The following UCP1 variants were observed in gnomAD, a reference collection of about 807,000 sequenced individuals.
UCP1 encodes the protein mitochondrial brown fat uncoupling protein 1.
UCP1 carries 24 observed loss-of-function variants against 26.2 expected under a neutral mutation model. The observed-to-expected ratio is 0.92, with a 90% CI of 0.66 to 1.29. The LOEUF is 1.29. Among genes scored for constraint, UCP1 ranks in the 50% most tolerant of loss-of-function variants. The pLI, the probability that UCP1 is intolerant of heterozygous loss-of-function variation, is 0.00. For missense variants in UCP1, 402 were observed against 388.7 expected (o/e 1.03, Z -0.29); for synonymous variants, 164 against 156.8 (o/e 1.05, Z -0.34).
At chr4:140,563,704 T>G (rs922662881) in intron 2 of UCP1, among the ~76,000 whole-genome samples, 186 bp from the exon 3 acceptor site, 1 of 150,976 alleles carries the variant, frequency 6.6e-6, no homozygotes, top group African/African-American at 2.4e-5. Context: ...GCCTCCCGGG[T>G]TCAAGAGATT....
Position 140,562,233 on chromosome 4 carries a change from T to A in UCP1, c.769A>T (p.Lys257Ter), listed in dbSNP as rs761334073. ...GTTGGTCCTTCGTTAGTGAACACTTTCATTGCACAGTTGGGCACACTTTTG... is the reference window on the plus strand; with the variant it reads ...GTTGGTCCTTCGTTAGTGAACACTTACATTGCACAGTTGGGCACACTTTTG... ...QYKSVPNCAM[K>*]VFTNEGPTAF... The change falls in exon 5 of 6, where the codon AAA becomes TAA. Residue 257 changes from lysine (K) to a stop codon, truncating the protein, a stop_gained. Transcript: ENST00000262999. LOFTEE classifies it high-confidence loss of function. The A allele has an allele frequency of 6.8e-6, 11 of 1,614,204 alleles. No individual in the cohort carries two copies. The highest frequency in any genetic ancestry group is 9.3e-6 in the Non-Finnish European group (11 of 1,180,014).
intron 5 of UCP1, 100 bp downstream of exon 5, chr4:140,562,093 A>T: frequency 7.3e-7 from 1 of 1,371,576 alleles, no homozygotes; most frequent in South Asian, 1.2e-5. Flanking sequence ...ATATGAATAT[A>T]CTAAGGCTTG....
chr4:140,567,874 C>G lies in UCP1; in HGVS notation c.230G>C (p.Gly77Ala). ...KTEGRMKLYS[G>A]LPAGLQRQIS... Reference sequence around the variant, plus strand: ...TTGCCGCTGAAGCCCCGCAGGCAGCCCGCTGTAGAGTTTCATCCGCCCTTC... The same window carrying G: ...TTGCCGCTGAAGCCCCGCAGGCAGCGCGCTGTAGAGTTTCATCCGCCCTTC... The change falls in exon 2 of 6, where the codon GGG becomes GCG. Residue 77 changes from glycine to alanine, a missense_variant. Physicochemically the swap from Gly to Ala is moderately conservative, Grantham distance 60. Transcript: ENST00000262999. 1.2e-6 allele frequency: 2 copies of G among 1,614,160 alleles called. No homozygotes were observed. Among genetic ancestry groups the G allele is most frequent in the Non-Finnish European group, 1.7e-6 (2 of 1,180,034 alleles).
At chr4:140,560,135 C>T (rs1267693784) in intron 5 of UCP1, 125 bp from the exon 6 acceptor site, 1 of 777,652 alleles carries the variant, frequency 1.3e-6, no homozygotes, top group Non-Finnish European at 2.2e-6. Flanking sequence ...TCACTGCAAC[C>T]TCGAGCTCCT....
At chr4:140,562,071 T>C in intron 5 of UCP1, 122 bp downstream of exon 5, 1 of 1,173,014 alleles carries the variant, frequency 8.5e-7, no homozygotes, top group Non-Finnish European at 1.3e-6. Flanking sequence ...CAAGGAAAAG[T>C]CAATACTAAG....
Position 140,563,217 on chromosome 4 carries a change from G to GAAA in UCP1, c.527-9_527-7dup. The GAAA allele has an allele frequency of 8.0e-7, 1 of 1,253,344 alleles. No homozygotes were observed. The highest frequency in any genetic ancestry group is 1.1e-6 in the Non-Finnish European group (1 of 902,426). The allele number at this position is 1,253,344 out of a possible 1,614,324, so 77.6% of individuals were successfully genotyped here. A position where few individuals can be genotyped will look rare whatever the true frequency, so the allele number is the denominator to read the frequency against. On this transcript the variant is annotated splice_region_variant and splice_polypyrimidine_tract_variant and intron_variant, in intron 3 of 5. Transcript: ENST00000262999. ...CATCAGATTGGGAGTAGTCCCTGGG[G>GAAA]AAAAAAAAAAAGAAAATGTTTATTA... is the stretch of plus-strand genomic sequence containing the variant.
In UCP1 at chr4:140,562,319, G is replaced by T. The variant is rs761243709; in HGVS notation, c.683C>A (p.Ala228Asp). The change falls in exon 5 of 6, where the codon GCT (alanine) becomes GAT (aspartate). Residue 228 changes from alanine to aspartate, a missense_variant. Physicochemically the swap from Ala to Asp is moderately radical, Grantham distance 126. Transcript: ENST00000262999. Reference protein sequence around the residue: ...SALIAGFCATAMSSPVDVVKT... With the variant: ...SALIAGFCATDMSSPVDVVKT... ...TACTACATCCACCGGGGAGGACATA[G>T]CTGTTGCGCAAAATCCAGCGATAAG... 1 of 1,614,150 alleles carries T rather than the reference G, an allele frequency of 6.2e-7. No individual in the cohort carries two copies. Among genetic ancestry groups the T allele is most frequent in the Admixed American group, 1.7e-5 (1 of 60,010 alleles).
At position 140,567,840 on chromosome 4, in the gene UCP1, G is replaced by A. The variant is rs138241273; in HGVS notation, c.264C>T (p.Ser88=). The change falls in exon 2 of 6, where the codon TCC becomes TCT. Residue 88 remains serine (S), a synonymous_variant. Coordinates refer to ENST00000262999, the MANE Select transcript of UCP1 (RefSeq NM_021833.5). The part of the protein sequence containing the change: ...LPAGLQRQIS[S]ASLRIGLYDT... ...CGTAGAGGCCGATCCTGAGAGAGGC[G>A]GAGCTGATTTGCCGCTGAAGCCCCG... 349 of 1,614,100 alleles carry A rather than the reference G, an allele frequency of 2.2e-4. No homozygotes were observed. The highest frequency in any genetic ancestry group is 4.9e-4 in the Middle Eastern group (3 of 6,062).
chr4:140,566,650 TACTC>T (rs1428777905), intron 2 of UCP1, among the ~76,000 whole-genome samples: 4 of 152,196 alleles, frequency 2.6e-5, no homozygotes, highest in Admixed American at 6.6e-5. Flanking sequence ...TATTGAAGGT[TACTC>T]ACAGCAGAAA....
At position 140,568,887 on chromosome 4, in the gene UCP1, T is replaced by A; in HGVS notation, c.-158A>T. 1 of 1,168,460 alleles carries A rather than the reference T, an allele frequency of 8.6e-7. No homozygotes were observed. The highest frequency in any genetic ancestry group is 1.2e-6 in the Non-Finnish European group (1 of 838,612). The allele number at this position is 1,168,460 out of a possible 1,614,324, so 72.4% of individuals were successfully genotyped here. On this transcript the variant is annotated 5_prime_UTR_variant, in exon 1 of 6. Transcript: ENST00000262999. Reference sequence around the variant, plus strand: ...GCAGCGGCGGTGCAGAGGCGGCGGCTGCAGACGGAGCGCGGTGTTGGGGGC... The same window carrying A: ...GCAGCGGCGGTGCAGAGGCGGCGGCAGCAGACGGAGCGCGGTGTTGGGGGC...
chr4:140,561,252 G>A (rs960317903), intron 5 of UCP1, among the ~76,000 whole-genome samples: 5 of 152,082 alleles, frequency 3.3e-5, no homozygotes, highest in African/African-American at 9.7e-5. Flanking sequence ...TTGAGGAATG[G>A]CCTTACAATT....
At position 140,560,141 on chromosome 4, in the gene UCP1, C is replaced by T. The variant is rs1267444401; in HGVS notation, c.810-131G>A. ...AATCATAGCTCACTGCAACCTCGAG[C>T]TCCTGGGCTTAAGTGATCCTCCCAC... On this transcript the variant is annotated intron_variant, in intron 5 of 5. Transcript: ENST00000262999. 12 of 750,320 alleles carry T rather than the reference C, an allele frequency of 1.6e-5. No individual in the cohort carries two copies. In the Admixed American group the frequency reaches 2.2e-4, roughly 14 times the overall value. 46.5% of individuals were successfully genotyped at this position (750,320 alleles called of 1,614,324 possible). A position where few individuals can be genotyped will look rare whatever the true frequency, so the allele number is the denominator to read the frequency against.
intron 1 of UCP1, 148 bp downstream of exon 1, chr4:140,568,456 C>T (rs1735853808): frequency 5.2e-6 from 7 of 1,351,892 alleles, no homozygotes; most frequent in Non-Finnish European, 3.1e-6. Context: ...TCCTAAAGCA[C>T]CAGCCCTGGG....
At position 140,560,044 on chromosome 4, in the gene UCP1, G is replaced by C. The variant is rs764276708; in HGVS notation, c.810-34C>G. 25 of 1,528,640 alleles carry C rather than the reference G, an allele frequency of 1.6e-5. 1 individual carries two copies. In the Admixed American group the frequency reaches 4.3e-4, roughly 26 times the overall value. 94.7% of individuals were successfully genotyped at this position (1,528,640 alleles called of 1,614,324 possible). A position where few individuals can be genotyped will look rare whatever the true frequency, so the allele number is the denominator to read the frequency against. On this transcript the variant is annotated intron_variant, in intron 5 of 5. Transcript: ENST00000262999. ...GTGCATGTCATCGTTCGATTAATTTGTTTGATTTTTTTTTTTTTTAATTTT... is the reference window on the plus strand; with the variant it reads ...GTGCATGTCATCGTTCGATTAATTTCTTTGATTTTTTTTTTTTTTAATTTT...
chr4:140,559,728 AT>A lies in UCP1; in HGVS notation c.*167del. Reference sequence around the variant, plus strand: ...AAGACACTGAGAAAAAAAAAAAGTTATATGAAATAGGCATTAATTTTCCTCT... The same window carrying A: ...AAGACACTGAGAAAAAAAAAAAGTTAATGAAATAGGCATTAATTTTCCTCT... On this transcript the variant is annotated 3_prime_UTR_variant, in exon 6 of 6. Coordinates refer to ENST00000262999, the MANE Select transcript of UCP1 (RefSeq NM_021833.5). The A allele has an allele frequency of 1.6e-6, 1 of 641,326 alleles. No homozygotes were observed. Among genetic ancestry groups the A allele is most frequent in the Non-Finnish European group, 2.7e-6 (1 of 374,490 alleles). The allele number at this position is 641,326 out of a possible 1,614,324, so 39.7% of individuals were successfully genotyped here. A position where few individuals can be genotyped will look rare whatever the true frequency, so the allele number is the denominator to read the frequency against.
chr4:140,562,156 C>A, intron 5 of UCP1, 37 bp downstream of exon 5: 9 of 1,612,752 alleles, frequency 5.6e-6, no homozygotes, highest in Non-Finnish European at 7.6e-6. Flanking sequence ...ACACAGACAG[C>A]CAGAACACAT....
In UCP1 at chr4:140,568,457, C is replaced by T. The variant is rs1405981083; in HGVS notation, c.126+147G>A. ...GTTCCAGTTTCCCATCCTAAAGCAC[C>T]AGCCCTGGGACAAGGCCAGACTGCT... On this transcript the variant is annotated intron_variant, in intron 1 of 5. Coordinates refer to ENST00000262999, the MANE Select transcript of UCP1 (RefSeq NM_021833.5). The T allele has an allele frequency of 1.6e-5, 21 of 1,354,720 alleles. No homozygotes were observed. In the East Asian group the frequency reaches 2.8e-4, roughly 18 times the overall value. The allele number at this position is 1,354,720 out of a possible 1,614,324, so 83.9% of individuals were successfully genotyped here.
At chr4:140,562,691 A>G (rs934001283) in intron 4 of UCP1, among the ~76,000 whole-genome samples, 1 of 152,086 alleles carries the variant, frequency 6.6e-6, no homozygotes, top group Non-Finnish European at 1.5e-5. Flanking sequence ...AAGTTGTTAG[A>G]ATATTATTTT....
At chr4:140,566,994 G>A (rs953430942) in intron 2 of UCP1, among the ~76,000 whole-genome samples, 1 of 152,146 alleles carries the variant, frequency 6.6e-6, no homozygotes, top group Non-Finnish European at 1.5e-5. Context: ...TGATGAATCT[G>A]CTCTGTGTTC....
Sources: gnomAD v4.1 joint callset for allele counts (sites outside exome capture counted in the v4.1 genomes callset) on GRCh38, gnomAD v4.1.1 for gene constraint, MANE v1.5 for transcripts, NCBI Gene and HGNC (gene_info 2026-07-23, HGNC 2026-07-21) for gene names.